PCDH15: variants seen among roughly 807,000 people sequenced by gnomAD.
The protein encoded by PCDH15 is protocadherin-15.
PCDH15 carries 129 observed loss-of-function variants against 178.5 expected under a neutral mutation model. The ratio of observed to expected loss-of-function variants is 0.72; its 90% CI spans 0.63 to 0.84. The LOEUF is 0.84. Among genes scored for constraint, PCDH15 ranks in the 40% least tolerant of loss-of-function variants. The pLI, the probability that PCDH15 is intolerant of heterozygous loss-of-function variation, is 0.00. For missense variants in PCDH15, 2,230 were observed against 2,099.9 expected (o/e 1.06, Z -1.21); for synonymous variants, 800 against 732.0 (o/e 1.09, Z -1.50).
At position 54,239,925 on chromosome 10, in the gene PCDH15, T is replaced by C. The variant is rs375551116; in HGVS notation, c.877-2994A>G. ...AAACTGTGCTCCATGAAGCTTGAAA[T>C]GTTTAAATATTATTAATACATGACA... is the stretch of plus-strand genomic sequence containing the variant. On this transcript the variant is annotated intron_variant, in intron 8 of 37. Transcript: ENST00000644397. 5.3e-5 allele frequency among the ~76,000 whole-genome samples: 8 copies of C among 152,290 alleles called. No individual in the cohort carries two copies. The East Asian group carries it at 1.5e-3, about 29-fold the overall frequency.
intron 1 of PCDH15, among the ~76,000 whole-genome samples, chr10:55,195,506 A>AT (rs1425052669): frequency 1.4e-5 from 2 of 142,746 alleles, no homozygotes; most frequent in African/African-American, 5.2e-5. Context: ...AAAAAAAAAA[A>AT]TTAGGCGGGC....
chr10:55,461,875 T>C (rs1237371150), intron 2 of PCDH15, among the ~76,000 whole-genome samples: 1 of 152,254 alleles, frequency 6.6e-6, no homozygotes, highest in East Asian at 1.9e-4. Flanking sequence ...GTGATTATCA[T>C]TCATCTGGTT....
At chr10:55,173,037 T>C (rs1839381403) in intron 1 of PCDH15, among the ~76,000 whole-genome samples, 1 of 152,028 alleles carries the variant, frequency 6.6e-6, no homozygotes, top group South Asian at 2.1e-4. Flanking sequence ...AGATTTTAGG[T>C]CATTCTTTCA....
chr10:55,299,230 T>A (rs910763369), intron 1 of PCDH15, among the ~76,000 whole-genome samples: 2 of 152,140 alleles, frequency 1.3e-5, no homozygotes, highest in Non-Finnish European at 2.9e-5. Context: ...TCTCAACTCT[T>A]GGACAGATAG....
intron 3 of PCDH15, among the ~76,000 whole-genome samples, chr10:54,416,638 C>T (rs966284029): frequency 3.3e-5 from 5 of 152,088 alleles, no homozygotes; most frequent in African/African-American, 1.2e-4. Context: ...TGGGTATATA[C>T]CTAGTAATGA....
chr10:54,355,292 C>G (rs1203753948), intron 5 of PCDH15, among the ~76,000 whole-genome samples: 1 of 151,696 alleles, frequency 6.6e-6, no homozygotes, highest in Non-Finnish European at 1.5e-5. Context: ...TGTTATTATT[C>G]TAATACTTGG....
chr10:55,623,334 T>G (rs1837448244), intron 2 of PCDH15, among the ~76,000 whole-genome samples: 1 of 152,124 alleles, frequency 6.6e-6, no homozygotes. Context: ...TGTTGTTTTG[T>G]TTTTTCATTT....
At chr10:54,141,366 T>C (rs183773429) in intron 14 of PCDH15, among the ~76,000 whole-genome samples, 1 of 152,148 alleles carries the variant, frequency 6.6e-6, no homozygotes. Flanking sequence ...GGCAAAAATC[T>C]TATAAAAGAC....
chr10:54,913,324 A>G (rs537438737), intron 2 of PCDH15, among the ~76,000 whole-genome samples: 6 of 152,162 alleles, frequency 3.9e-5, no homozygotes, highest in Non-Finnish European at 8.8e-5. Flanking sequence ...AGCACCCTGC[A>G]TCGCAGCCAC....
intron 4 of PCDH15, among the ~76,000 whole-genome samples, chr10:54,376,065 T>A (rs1948382382): frequency 6.6e-6 from 1 of 151,088 alleles, no homozygotes. Context: ...CTGGATAAGT[T>A]TTGGACTTTA....
chr10:55,388,520 G>A (rs1271186694), intron 2 of PCDH15, among the ~76,000 whole-genome samples: 1 of 151,936 alleles, frequency 6.6e-6, no homozygotes, highest in Non-Finnish European at 1.5e-5. Context: ...TATTTTTATA[G>A]GATCTTCAAA....
intron 2 of PCDH15, among the ~76,000 whole-genome samples, chr10:55,619,301 T>C (rs1301419227): frequency 1.3e-5 from 2 of 151,868 alleles, no homozygotes; most frequent in Non-Finnish European, 2.9e-5. Flanking sequence ...AAAAACTGCA[T>C]CAGAATTTTA....
chr10:54,901,146 C>T (rs768712033), intron 2 of PCDH15, among the ~76,000 whole-genome samples: 11 of 151,938 alleles, frequency 7.2e-5, no homozygotes, highest in Non-Finnish European at 1.6e-4. Flanking sequence ...CCCCCCTCCA[C>T]CATCTCTACA....
intron 2 of PCDH15, among the ~76,000 whole-genome samples, chr10:55,078,201 GT>G (rs1411146117): frequency 2.6e-5 from 4 of 152,198 alleles, no homozygotes; most frequent in Non-Finnish European, 5.9e-5. Flanking sequence ...TTATGGGAGT[GT>G]TTTTGTAAAT....
chr10:54,387,071 C>A, intron 3 of PCDH15, among the ~76,000 whole-genome samples: 1 of 48,894 alleles, frequency 2.0e-5, no homozygotes, highest in African/African-American at 5.4e-5. Flanking sequence ...AATGCATACA[C>A]ATATCAAATA....
intron 2 of PCDH15, among the ~76,000 whole-genome samples, chr10:54,940,340 C>T (rs1838029988): frequency 6.6e-6 from 1 of 151,946 alleles, no homozygotes; most frequent in South Asian, 2.1e-4. Context: ...TGTAAATTTT[C>T]TCAGTTTTGC....
chr10:54,361,237 A>G (rs542317483), intron 5 of PCDH15, among the ~76,000 whole-genome samples: 8 of 152,228 alleles, frequency 5.3e-5, no homozygotes, highest in African/African-American at 1.4e-4. Context: ...GAAAAACTGC[A>G]TGTACAAGTG....
intron 1 of PCDH15, among the ~76,000 whole-genome samples, chr10:54,677,828 A>G (rs1348906528): frequency 1.3e-5 from 2 of 152,208 alleles, no homozygotes; most frequent in African/African-American, 4.8e-5. Context: ...GCAATAGTTT[A>G]AAGCCTTGGG....
At chr10:55,287,377 T>A (rs549119097) in intron 1 of PCDH15, among the ~76,000 whole-genome samples, 1 of 152,200 alleles carries the variant, frequency 6.6e-6, no homozygotes, top group South Asian at 2.1e-4. Context: ...AATAAATCAT[T>A]AAACTTATAT....
Sources: gnomAD v4.1 joint callset for allele counts (sites outside exome capture counted in the v4.1 genomes callset) on GRCh38, gnomAD v4.1.1 for gene constraint, MANE v1.5 for transcripts, NCBI Gene and HGNC (gene_info 2026-07-23, HGNC 2026-07-21) for gene names.